Variants in UBE2E2 observed in about 807,000 individuals in gnomAD.
UBE2E2 encodes the protein ubiquitin conjugating enzyme E2 E2.
In UBE2E2, 6 loss-of-function variants were observed where a neutral mutation model predicts 24.7. The observed-to-expected ratio is 0.24, with a 90% CI of 0.13 to 0.48. The LOEUF (loss-of-function observed/expected upper bound fraction) is 0.48, where lower values mean the gene tolerates loss of function less well. UBE2E2 is among the 20% of genes least tolerant of loss of function. The pLI, the probability that UBE2E2 is intolerant of heterozygous loss-of-function variation, is 0.99. For missense variants in UBE2E2, 169 were observed against 245.0 expected (o/e 0.69, Z 2.07); for synonymous variants, 104 against 83.6 (o/e 1.24, Z -1.33).
In UBE2E2 at chr3:23,435,917, G is replaced by T. The variant is rs71322188; in HGVS notation, c.228-63691G>T. Among the ~76,000 whole-genome samples, 950 of 152,108 alleles carry T rather than the reference G, an allele frequency of 6.2e-3. 17 individuals carry two copies. The highest frequency in any genetic ancestry group is 0.045 in the East Asian group (233 of 5,160). On this transcript the variant is annotated intron_variant, in intron 3 of 5. Transcript: ENST00000396703. ...TTCCACGGCAGGGGCGGGGCAGGCTGGTTTGGGGATGAAACTCTTCTGCCT... is the reference window on the plus strand; with the variant it reads ...TTCCACGGCAGGGGCGGGGCAGGCTTGTTTGGGGATGAAACTCTTCTGCCT...
At chr3:23,284,074 C>T (rs1370848138) in intron 3 of UBE2E2, among the ~76,000 whole-genome samples, 1 of 152,124 alleles carries the variant, frequency 6.6e-6, no homozygotes, top group Non-Finnish European at 1.5e-5. Context: ...AGCTTAGGTG[C>T]AGTCTAACTT....
At chr3:23,553,215 C>T (rs1311129253) in intron 5 of UBE2E2, among the ~76,000 whole-genome samples, 1 of 151,884 alleles carries the variant, frequency 6.6e-6, no homozygotes, top group Admixed American at 6.6e-5. Flanking sequence ...CTCTATATTT[C>T]CCTTTTATAG....
chr3:23,532,077 G>GA (rs1000058500), intron 4 of UBE2E2, among the ~76,000 whole-genome samples: 4 of 143,318 alleles, frequency 2.8e-5, no homozygotes, highest in Admixed American at 7.0e-5. Flanking sequence ...AAAAAAAAAA[G>GA]AAAAAAAAAC....
At chr3:23,366,211 GGT>G (rs1696252449) in intron 3 of UBE2E2, among the ~76,000 whole-genome samples, 1 of 152,148 alleles carries the variant, frequency 6.6e-6, no homozygotes, top group Non-Finnish European at 1.5e-5. Flanking sequence ...ATACACTGCT[GGT>G]GTGTGTAAAT....
At chr3:23,364,927 T>A (rs1209529086) in intron 3 of UBE2E2, among the ~76,000 whole-genome samples, 1 of 152,176 alleles carries the variant, frequency 6.6e-6, no homozygotes, top group Non-Finnish European at 1.5e-5. Flanking sequence ...TCCACTGTGA[T>A]CAAGTAAGCT....
rs1279439550 is a variant in UBE2E2, at chr3:23,400,614, A to ACACACACACACACACACATACT, written c.228-98976_228-98975insTACTCACACACACACACACACA. 1.6e-3 allele frequency among the ~76,000 whole-genome samples: 238 copies of ACACACACACACACACACATACT among 148,326 alleles called. 1 individual carries two copies. Among genetic ancestry groups the ACACACACACACACACACATACT allele is most frequent in the African/African-American group, 5.1e-3 (202 of 39,332 alleles). Reference sequence around the variant, plus strand: ...AGAGAGGAGAATAAATGAAACACACACACACACACACACACACACACACAC... The same window carrying ACACACACACACACACACATACT: ...AGAGAGGAGAATAAATGAAACACACACACACACACACACACACATACTCACACACACACACACACACACACAC... On this transcript the variant is annotated intron_variant, in intron 3 of 5. Coordinates refer to ENST00000396703, the MANE Select transcript of UBE2E2 (RefSeq NM_152653.4).
chr3:23,382,047 G>T (rs1313778308), intron 3 of UBE2E2, among the ~76,000 whole-genome samples: 1 of 152,036 alleles, frequency 6.6e-6, no homozygotes, highest in Admixed American at 6.6e-5. Flanking sequence ...TTTTAAAACA[G>T]TTGTTTCAAT....
intron 5 of UBE2E2, among the ~76,000 whole-genome samples, chr3:23,579,172 C>A (rs1696411391): frequency 6.6e-6 from 1 of 152,170 alleles, no homozygotes; most frequent in Middle Eastern, 3.4e-3. Context: ...GTAGGTGGAT[C>A]ATGAGGTCAG....
At chr3:23,338,847 G>A (rs1695290007) in intron 3 of UBE2E2, among the ~76,000 whole-genome samples, 1 of 152,148 alleles carries the variant, frequency 6.6e-6, no homozygotes. Flanking sequence ...ATTAGTAAAT[G>A]AAGAGTCATT....
chr3:23,409,382 A>G (rs997086409), intron 3 of UBE2E2, among the ~76,000 whole-genome samples: 14 of 152,324 alleles, frequency 9.2e-5, no homozygotes, highest in Non-Finnish European at 4.4e-5. Flanking sequence ...TATTAATATG[A>G]TGTACAAAGA....
intron 3 of UBE2E2, among the ~76,000 whole-genome samples, chr3:23,410,233 T>C (rs769030922): frequency 2.0e-5 from 3 of 152,204 alleles, no homozygotes; most frequent in Non-Finnish European, 4.4e-5. Flanking sequence ...TAATGGGAAC[T>C]CTTGTTAAGT....
In UBE2E2 at chr3:23,478,644, A is replaced by C. The variant is rs75563634; in HGVS notation, c.228-20964A>C. Among the ~76,000 whole-genome samples the C allele has an allele frequency of 8.0e-4, 122 of 152,340 alleles. 2 individuals carry two copies. In the East Asian group the frequency reaches 0.022, roughly 27 times the overall value. ...AGAAGCTGGTCTTTACTAAAGTAGC[A>C]AATTCAAATCTAGTCTTTACTAAAA... On this transcript the variant is annotated intron_variant, in intron 3 of 5. Coordinates refer to ENST00000396703, the MANE Select transcript of UBE2E2 (RefSeq NM_152653.4).
At chr3:23,564,480 C>T (rs1356080874) in intron 5 of UBE2E2, among the ~76,000 whole-genome samples, 1 of 152,116 alleles carries the variant, frequency 6.6e-6, no homozygotes, top group African/African-American at 2.4e-5. Context: ...AATCCAATCT[C>T]CAAAAAATAC....
intron 5 of UBE2E2, among the ~76,000 whole-genome samples, chr3:23,570,699 A>G (rs923129105): frequency 6.6e-6 from 1 of 152,172 alleles, no homozygotes; most frequent in African/African-American, 2.4e-5. Flanking sequence ...TATTTCTAAC[A>G]TGACTGTTGG....
Position 23,453,072 on chromosome 3 carries a change from A to G in UBE2E2, c.228-46536A>G, listed in dbSNP as rs61423679. The stretch of plus-strand genomic sequence containing the variant: ...CTTCAAAGTAAATGATAGGTAAAAT[A>G]TTTTGGAGCATTTGGCAGTGGGGAA... On this transcript the variant is annotated intron_variant, in intron 3 of 5. Coordinates refer to ENST00000396703, the MANE Select transcript of UBE2E2 (RefSeq NM_152653.4). Among the ~76,000 whole-genome samples the G allele has an allele frequency of 5.6e-4, 85 of 152,294 alleles. 3 individuals carry two copies. The East Asian group carries it at 0.015, about 27-fold the overall frequency.
chr3:23,246,089 A>G (rs772239002), intron 3 of UBE2E2, among the ~76,000 whole-genome samples: 4 of 152,132 alleles, frequency 2.6e-5, no homozygotes, highest in African/African-American at 4.8e-5. Flanking sequence ...CTATCACCCA[A>G]GCTGGCATGC....
intron 3 of UBE2E2, among the ~76,000 whole-genome samples, chr3:23,353,725 T>G (rs376567355): frequency 2.0e-5 from 3 of 151,970 alleles, no homozygotes; most frequent in African/African-American, 4.8e-5. Context: ...CACTGCTCAA[T>G]GAAATAAAAG....
chr3:23,509,484 G>A (rs1020540651), intron 4 of UBE2E2, among the ~76,000 whole-genome samples: 1 of 152,086 alleles, frequency 6.6e-6, no homozygotes, highest in Non-Finnish European at 1.5e-5. Context: ...GGATACAGTA[G>A]GCAGGTCTGA....
intron 3 of UBE2E2, among the ~76,000 whole-genome samples, chr3:23,289,393 C>T (rs1356858809): frequency 6.6e-6 from 1 of 152,158 alleles, no homozygotes; most frequent in Non-Finnish European, 1.5e-5. Flanking sequence ...AGTACTCACA[C>T]AGTGAAGGTT....
Sources: gnomAD v4.1 joint callset for allele counts (sites outside exome capture counted in the v4.1 genomes callset) on GRCh38, gnomAD v4.1.1 for gene constraint, MANE v1.5 for transcripts, NCBI Gene and HGNC (gene_info 2026-07-23, HGNC 2026-07-21) for gene names.